The following CRLS1 variants were observed in gnomAD, a reference collection of about 807,000 sequenced individuals.
CRLS1 encodes the protein cardiolipin synthase (CMP-forming).
CRLS1 carries 24 observed loss-of-function variants against 37.0 expected under a neutral mutation model. The ratio of observed to expected loss-of-function variants is 0.65; its 90% confidence interval spans 0.47 to 0.91. CRLS1 has a LOEUF of 0.91. Ranked by LOEUF, CRLS1 falls within the 40% of genes least tolerant of loss-of-function variation. The pLI is 0.00. For synonymous variants in CRLS1, 135 were observed against 159.7 expected, an observed-to-expected ratio of 0.85 and a Z score of 1.17; for missense variants, 373 against 395.8, an observed-to-expected ratio of 0.94 and a Z score of 0.49.
In CRLS1 at chr20:6,031,329, G is replaced by A; in HGVS notation, c.619G>A (p.Ala207Thr). 1 of 1,609,674 alleles carries A rather than the reference G, an allele frequency of 6.2e-7. No homozygotes were observed. The highest frequency in any genetic ancestry group is 8.5e-7 in the Non-Finnish European group (1 of 1,178,110). ...MIISRDVMLI[A>T]AVFYVRYRTL... ...CATTTCGAGAGATGTAATGTTGATT[G>A]CTGCTGTTTTTTATGTCAGATACCG... Residue 207 changes from alanine (A) to threonine (T), a missense_variant, in exon 4 of 7, where the codon GCT becomes ACT. Physicochemically the swap from Ala to Thr is moderately conservative, Grantham distance 58 (BLOSUM62 0). Transcript: ENST00000378863.
In CRLS1 at chr20:6,009,871, A is replaced by G. The variant is rs768134729; in HGVS notation, c.403A>G (p.Ile135Val). The G allele has an allele frequency of 6.2e-7, 1 of 1,614,040 alleles. No homozygotes were observed. The highest frequency in any genetic ancestry group is 8.5e-7 in the Non-Finnish European group (1 of 1,179,946). ...GYLIIEEDFNIALGVFALAGL... is the reference protein window; with the variant it reads ...GYLIIEEDFNVALGVFALAGL... ...TTTGATTATTGAAGAAGATTTTAATATTGCACTAGGAGTTTTTGCTTTAGC... is the reference window on the plus strand; with the variant it reads ...TTTGATTATTGAAGAAGATTTTAATGTTGCACTAGGAGTTTTTGCTTTAGC... Residue 135 changes from isoleucine to valine, a missense_variant, in exon 2 of 7, where the codon ATT becomes GTT. Ile to Val is a conservative substitution (Grantham distance 29). Transcript: ENST00000378863.
chr20:6,006,761 T>A, intron 1 of CRLS1: 1 of 985,334 alleles, frequency 1.0e-6, no homozygotes, highest in Non-Finnish European at 1.2e-6. Flanking sequence ...GTGGTCAAGT[T>A]AGAAATCCTC....
rs752845576 is a variant in CRLS1, at chr20:6,009,783, C to A, written c.315C>A (p.Asn105Lys). Residue 105 changes from asparagine (N) to lysine (K), a missense_variant, in exon 2 of 7, where the codon AAC becomes AAA. Asn to Lys is a moderately conservative substitution (Grantham distance 94). Transcript: ENST00000378863. ...TTGTCTTTGTGTTTCAGTATGAAAA[C>A]CCATGGACAATCCCGAATATGTTGT... ...GPASTPSLYE[N>K]PWTIPNMLSM... The A allele has an allele frequency of 6.2e-7, 1 of 1,612,602 alleles. No individual in the cohort carries two copies. Among genetic ancestry groups the A allele is most frequent in the East Asian group, 2.2e-5 (1 of 44,804 alleles).
intron 3 of CRLS1, among the ~76,000 whole-genome samples, chr20:6,019,928 T>C (rs1375372995): frequency 6.6e-6 from 1 of 152,036 alleles, no homozygotes; most frequent in African/African-American, 2.4e-5. Flanking sequence ...TGACCTTAGG[T>C]GCCTCTACCT....
At chr20:6,028,048 A>C (rs1192755046) in intron 3 of CRLS1, among the ~76,000 whole-genome samples, 1 of 152,068 alleles carries the variant, frequency 6.6e-6, no homozygotes, top group African/African-American at 2.4e-5. Flanking sequence ...TCATTTTAGG[A>C]GAATTTTGGA....
intron 6 of CRLS1, among the ~76,000 whole-genome samples, chr20:6,036,182 T>G (rs1980535034): frequency 6.6e-6 from 1 of 152,180 alleles, no homozygotes; most frequent in Non-Finnish European, 1.5e-5. Context: ...ACTCTTGGCC[T>G]CAAACAATCC....
At chr20:6,027,408 TTTTG>T (rs367596008) in intron 3 of CRLS1, among the ~76,000 whole-genome samples, 14 of 151,086 alleles carry the variant, frequency 9.3e-5, no homozygotes, top group African/African-American at 3.2e-4. Flanking sequence ...TGTTTTTGTT[TTTTG>T]TTTGTTTGTT....
rs372404434 is a variant in CRLS1, at chr20:6,037,079, T to G, written c.827T>G (p.Phe276Cys). The stretch of plus-strand genomic sequence containing the variant: ...TTTCTTTTCTTCCATAAAAGGTGTT[T>G]TACAGCTTTCACCACAGCTGCATCA... ...DSIYLQILWC[F>C]TAFTTAASAY... The change falls in exon 7 of 7, where the codon TTT (phenylalanine) becomes TGT (cysteine). Residue 276 changes from phenylalanine (F) to cysteine (C), a missense_variant. By Grantham distance (205) the Phe-to-Cys change is radical. Coordinates refer to ENST00000378863, the MANE Select transcript of CRLS1 (RefSeq NM_019095.6). 5 of 1,611,730 alleles carry G rather than the reference T, an allele frequency of 3.1e-6. No individual in the cohort carries two copies. Among genetic ancestry groups the G allele is most frequent in the Non-Finnish European group, 4.2e-6 (5 of 1,178,564 alleles).
chr20:6,023,775 G>T (rs188100121), intron 3 of CRLS1, among the ~76,000 whole-genome samples: 4 of 149,382 alleles, frequency 2.7e-5, no homozygotes, highest in African/African-American at 9.9e-5. Flanking sequence ...CTTATATCGT[G>T]TATGAATGTC....
intron 1 of CRLS1, chr20:6,007,117 C>T: frequency 1.6e-6 from 1 of 643,630 alleles, no homozygotes; most frequent in Non-Finnish European, 2.3e-6. Flanking sequence ...GTCCACTTAC[C>T]TGTTGATATG....
intron 3 of CRLS1, among the ~76,000 whole-genome samples, chr20:6,025,407 A>G (rs561181681): frequency 6.6e-6 from 1 of 152,254 alleles, no homozygotes; most frequent in South Asian, 2.1e-4. Flanking sequence ...ATTGAGACCT[A>G]CTGCTCAGAA....
Position 6,007,093 on chromosome 20 carries a change from G to T in CRLS1, c.306+541G>T, listed in dbSNP as rs1156318887. Reference sequence around the variant, plus strand: ...AGATTTAAACTATTCTTGAGGTAACGGAGGGAAGTATTTGTCCACTTACCT... The same window carrying T: ...AGATTTAAACTATTCTTGAGGTAACTGAGGGAAGTATTTGTCCACTTACCT... On this transcript the variant is annotated intron_variant, in intron 1 of 6. Coordinates refer to ENST00000378863, the MANE Select transcript of CRLS1 (RefSeq NM_019095.6). Among the ~76,000 whole-genome samples the T allele has an allele frequency of 2.0e-5, 3 of 152,150 alleles. No homozygotes were observed. In the East Asian group the frequency reaches 5.8e-4, roughly 29 times the overall value.
At chr20:6,036,248 C>A (rs773761525) in intron 6 of CRLS1, among the ~76,000 whole-genome samples, 1 of 152,178 alleles carries the variant, frequency 6.6e-6, no homozygotes, top group Non-Finnish European at 1.5e-5. Context: ...CTGCGTCCAG[C>A]TAGAAATAGC....
intron 3 of CRLS1, among the ~76,000 whole-genome samples, chr20:6,026,807 G>C (rs1169377425): frequency 6.6e-6 from 1 of 152,128 alleles, no homozygotes; most frequent in Non-Finnish European, 1.5e-5. Context: ...CTAAGCTGTG[G>C]GAGGAGGCTG....
Position 6,014,607 on chromosome 20 carries a change from C to G in CRLS1, c.445-754C>G, listed in dbSNP as rs57506627. 4.0e-3 allele frequency among the ~76,000 whole-genome samples: 614 copies of G among 152,156 alleles called. 5 individuals carry two copies. The highest frequency in any genetic ancestry group is 0.013 in the African/African-American group (552 of 41,504). On this transcript the variant is annotated intron_variant, in intron 2 of 6. Coordinates refer to ENST00000378863, the MANE Select transcript of CRLS1 (RefSeq NM_019095.6). ...AGTCCATTTTGTGGCCCCAGAGTGG[C>G]CAGACCGCTCCCTTCTCAAGTTAGG... is the stretch of plus-strand genomic sequence containing the variant.
rs185204730 is a variant in CRLS1, at chr20:6,020,250, A to G, written c.574+4760A>G. Among the ~76,000 whole-genome samples, 47 of 152,342 alleles carry G rather than the reference A, an allele frequency of 3.1e-4. 1 individual carries two copies. The highest frequency in any genetic ancestry group is 1.1e-3 in the African/African-American group (46 of 41,588). On this transcript the variant is annotated intron_variant, in intron 3 of 6. Transcript: ENST00000378863. ...TCAGCTTTTCTTTTCTAAAGATTGCATATAAGACTGTATATGTTCCTCTAA... is the reference window on the plus strand; with the variant it reads ...TCAGCTTTTCTTTTCTAAAGATTGCGTATAAGACTGTATATGTTCCTCTAA...
chr20:6,037,146 G>A lies in CRLS1; in HGVS notation c.894G>A (p.Val298=), dbSNP rs1600396415. ...ATTATGGCCGGAAGACTGTTCAGGT[G>A]ATAAAAGACTGATGAAAGTCATCCC... The part of the protein sequence containing the change: ...YYHYGRKTVQ[V]IKD The change falls in exon 7 of 7, where the codon GTG becomes GTA. Residue 298 remains valine (V), a synonymous_variant. Coordinates refer to ENST00000378863, the MANE Select transcript of CRLS1 (RefSeq NM_019095.6). The A allele has an allele frequency of 1.9e-6, 3 of 1,612,238 alleles. No individual in the cohort carries two copies. Among genetic ancestry groups the A allele is most frequent in the Non-Finnish European group, 2.5e-6 (3 of 1,178,668 alleles).
At chr20:6,017,332 T>C (rs1369519414) in intron 3 of CRLS1, among the ~76,000 whole-genome samples, 2 of 152,210 alleles carry the variant, frequency 1.3e-5, no homozygotes, top group African/African-American at 2.4e-5. Flanking sequence ...TACATGGGAT[T>C]GTGTTTAGTA....
chr20:6,021,719 T>C (rs1349105323), intron 3 of CRLS1, among the ~76,000 whole-genome samples: 4 of 152,236 alleles, frequency 2.6e-5, no homozygotes, highest in Non-Finnish European at 4.4e-5. Flanking sequence ...TTGTGATTGA[T>C]AGATGTTTCA....
Sources: allele counts gnomAD v4.1 joint callset (sites outside exome capture counted in the v4.1 genomes callset), GRCh38; gene constraint gnomAD v4.1.1; transcripts MANE v1.5; gene names NCBI Gene and HGNC (gene_info 2026-07-23, HGNC 2026-07-21).